The following C11orf65 variants were observed in gnomAD, a reference collection of about 807,000 sequenced individuals.
C11orf65 encodes protein MFI.
In C11orf65, 38 loss-of-function variants were observed where a neutral mutation model predicts 35.3. That is an observed-to-expected ratio of 1.08 (90% CI 0.83 to 1.41). The LOEUF (loss-of-function observed/expected upper bound fraction) is 1.41. Among genes scored for constraint, C11orf65 ranks in the 40% most tolerant of loss-of-function variants. The pLI is 0.00. For synonymous variants in C11orf65, 105 were observed against 114.4 expected (o/e 0.92, Z 0.53); for missense variants, 370 against 367.1 (o/e 1.01, Z -0.06).
intron 2 of C11orf65, chr11:108,343,080 A>G: frequency 1.9e-6 from 2 of 1,079,436 alleles, no homozygotes; most frequent in South Asian, 1.4e-5. Context: ...GGTTTCCTCC[A>G]AGGAGCTTTG....
chr11:108,431,387 C>T (rs2092988002), intron 3 of C11orf65, among the ~76,000 whole-genome samples: 1 of 151,974 alleles, frequency 6.6e-6, no homozygotes, highest in African/African-American at 2.4e-5. Flanking sequence ...CAAATATATA[C>T]CCCAAAGCAT....
Position 108,335,049 on chromosome 11 carries a change from T to C in C11orf65, c.299+171A>G, listed in dbSNP as rs756887364. ...AATTTCGCTTAGCAGGAGGTGTAAA[T>C]TTACCAAAAATAATAGATTGTGTAG... On this transcript the variant is annotated intron_variant, in intron 3 of 3. Coordinates refer to the C11orf65 transcript ENST00000524755. The C allele has an allele frequency of 9.3e-6, 15 of 1,613,966 alleles. No homozygotes were observed. The South Asian group carries it at 1.6e-4, about 18-fold the overall frequency.
At chr11:108,460,984 C>A (rs757154182) in intron 2 of C11orf65, among the ~76,000 whole-genome samples, 2 of 152,102 alleles carry the variant, frequency 1.3e-5, no homozygotes, top group Non-Finnish European at 2.9e-5. Context: ...CTCAGCCTCT[C>A]AAAGTGCTGG....
At chr11:108,330,930 C>A (rs1315970301), downstream of C11orf65, among the ~76,000 whole-genome samples, 1 of 152,008 alleles carries the variant, frequency 6.6e-6, no homozygotes, top group Non-Finnish European at 1.5e-5. Flanking sequence ...AGTGATGACA[C>A]CTAATATTAA....
At chr11:108,333,288 A>G (rs2086480012) in intron 3 of C11orf65, among the ~76,000 whole-genome samples, 2 of 152,194 alleles carry the variant, frequency 1.3e-5, no homozygotes, top group South Asian at 2.1e-4. Flanking sequence ...AGGCTTTACC[A>G]TTTCTTCCAT....
intron 2 of C11orf65, chr11:108,365,279 CT>C: frequency 6.2e-7 from 1 of 1,614,126 alleles, no homozygotes. Flanking sequence ...TTCCCAAGGC[CT>C]TTAAACTGTT....
chr11:108,460,525 G>C (rs749615456), intron 2 of C11orf65, among the ~76,000 whole-genome samples: 29 of 152,246 alleles, frequency 1.9e-4, no homozygotes, highest in Middle Eastern at 3.4e-3. Context: ...TTTAATGAGT[G>C]GCTATATTCC....
rs540101700 is a variant in C11orf65, at chr11:108,392,179, T to C, written c.731+1029A>G. ...CTCTTACCTCAGCCTCCTGAGTAGC[T>C]GGGACTACAGTTATGCACCAGCAGG... is the stretch of plus-strand genomic sequence containing the variant. On this transcript the variant is annotated intron_variant, in intron 7 of 8. Coordinates refer to ENST00000393084, the MANE Select transcript of C11orf65 (RefSeq NM_152587.5). 5.3e-5 allele frequency among the ~76,000 whole-genome samples: 8 copies of C among 152,122 alleles called. 1 individual carries two copies. The South Asian group carries it at 1.7e-3, about 32-fold the overall frequency.
At position 108,439,155 on chromosome 11, in the gene C11orf65, T is replaced by C. The variant is rs562773991; in HGVS notation, c.82-7317A>G. On this transcript the variant is annotated intron_variant, in intron 2 of 8. Coordinates refer to ENST00000393084, the MANE Select transcript of C11orf65 (RefSeq NM_152587.5). Reference sequence around the variant, plus strand: ...CAACAACAAATGCAAAACAACTCAATGTAAAAATGGGCAAAGGTCTTGAAT... The same window carrying C: ...CAACAACAAATGCAAAACAACTCAACGTAAAAATGGGCAAAGGTCTTGAAT... Among the ~76,000 whole-genome samples the C allele has an allele frequency of 5.9e-5, 9 of 152,130 alleles. No individual in the cohort carries two copies. In the South Asian group the frequency reaches 8.3e-4, roughly 14 times the overall value.
intron 3 of C11orf65, among the ~76,000 whole-genome samples, chr11:108,423,240 A>G (rs1457284306): frequency 6.6e-6 from 1 of 151,346 alleles, no homozygotes; most frequent in African/African-American, 2.4e-5. Flanking sequence ...AGACCCATTC[A>G]CTCCCCTAGA....
intron 3 of C11orf65, chr11:108,334,003 T>G (rs2086566038): frequency 7.9e-6 from 12 of 1,518,544 alleles, no homozygotes; most frequent in East Asian, 2.3e-5. Context: ...TTTTTTAAAC[T>G]AAATTTTTTT....
chr11:108,447,869 A>G (rs2093286938), intron 2 of C11orf65, among the ~76,000 whole-genome samples: 1 of 152,208 alleles, frequency 6.6e-6, no homozygotes, highest in Non-Finnish European at 1.5e-5. Context: ...AAAGATCAAC[A>G]AAATTGATAG....
At chr11:108,330,214 A>C (rs730881317), downstream of C11orf65, 7 of 1,613,718 alleles carry the variant, frequency 4.3e-6, no homozygotes, top group Non-Finnish European at 5.9e-6. Flanking sequence ...TCTATGCAAG[A>C]TACACAGTAA....
intron 2 of C11orf65, among the ~76,000 whole-genome samples, chr11:108,376,057 G>T (rs2091715084): frequency 6.6e-6 from 1 of 152,064 alleles, no homozygotes; most frequent in South Asian, 2.1e-4. Context: ...ACACCCCACT[G>T]TCAACATTAG....
intron 7 of C11orf65, among the ~76,000 whole-genome samples, chr11:108,388,946 A>T (rs1416399830): frequency 6.6e-6 from 1 of 152,258 alleles, no homozygotes; most frequent in Admixed American, 6.5e-5. Context: ...TGTTCGGTTA[A>T]TAGTTGCAGT....
chr11:108,329,334 T>C (rs571242209), downstream of C11orf65: 45 of 1,135,696 alleles, frequency 4.0e-5, no homozygotes, highest in Admixed American at 2.6e-4. Flanking sequence ...TTATCTGATA[T>C]AGTTTTGAGC....
rs876660105 is a variant in C11orf65, at chr11:108,331,440, G to T, written c.*110C>A. ...TTAATTTTGTGTCTTTTTTTTAATG[G>T]TAGAGAGACGGAATGAAGATTCCAA... On this transcript the variant is annotated 3_prime_UTR_variant, in exon 4 of 4. Coordinates refer to the C11orf65 transcript ENST00000524755. 1 of 1,611,162 alleles carries T rather than the reference G, an allele frequency of 6.2e-7. No individual in the cohort carries two copies.
In C11orf65 at chr11:108,345,722, A is replaced by G. The variant is rs757717441; in HGVS notation, c.227-10430T>C. The G allele has an allele frequency of 2.2e-5, 34 of 1,513,360 alleles. 2 individuals carry two copies. The South Asian group carries it at 3.7e-4, about 17-fold the overall frequency. The allele number at this position is 1,513,360 out of a possible 1,614,324, so 93.7% of individuals were successfully genotyped here. ...TTGAACACAATATTGAAAAATAATTATATATATTCTCTATTTAAAGGAGGT... is the reference window on the plus strand; with the variant it reads ...TTGAACACAATATTGAAAAATAATTGTATATATTCTCTATTTAAAGGAGGT... On this transcript the variant is annotated intron_variant, in intron 2 of 3. Transcript: ENST00000524755.
intron 2 of C11orf65, among the ~76,000 whole-genome samples, chr11:108,370,646 C>T (rs985159804): frequency 1.3e-5 from 2 of 150,536 alleles, no homozygotes; most frequent in Non-Finnish European, 3.0e-5. Flanking sequence ...TGTGTATTTC[C>T]CTTATCAGAT....
Sources: allele counts gnomAD v4.1 joint callset (sites outside exome capture counted in the v4.1 genomes callset), GRCh38; gene constraint gnomAD v4.1.1; transcripts MANE v1.5; gene names NCBI Gene and HGNC (gene_info 2026-07-23, HGNC 2026-07-21).